The following CHD7 variants were observed in gnomAD, a reference collection of about 807,000 sequenced individuals.
CHD7 encodes ATP-dependent chromatin remodeler CHD7.
In CHD7, 24 loss-of-function variants were observed where a neutral mutation model predicts 307.3. The ratio of observed to expected loss-of-function variants is 0.08; its 90% CI spans 0.06 to 0.11. The LOEUF (loss-of-function observed/expected upper bound fraction) is 0.11. Among genes scored for constraint, CHD7 ranks in the 10% least tolerant of loss-of-function variants. The probability of loss-of-function intolerance (pLI) is 1.00; values close to 1 mark genes in which losing one functional copy is unlikely to be tolerated. For missense variants in CHD7, 3,106 were observed against 3,727.1 expected, an observed-to-expected ratio of 0.83 and a Z score of 4.34; for synonymous variants, 1,363 against 1,349.9, an observed-to-expected ratio of 1.01 and a Z score of -0.21.
chr8:60,852,807 T>C (rs1027219983), intron 30 of CHD7, 22 bp from the exon 31 acceptor site: 2 of 1,609,584 alleles, frequency 1.2e-6, no homozygotes, highest in Non-Finnish European at 1.7e-6. Context: ...CCCAAGTAAA[T>C]ATGAGCCCTT....
At chr8:60,756,520 A>G (rs748484452) in intron 2 of CHD7, among the ~76,000 whole-genome samples, 1 of 152,208 alleles carries the variant, frequency 6.6e-6, no homozygotes, top group Non-Finnish European at 1.5e-5. Context: ...TGCTTCATAT[A>G]AAATATTTAA....
chr8:60,795,395 G>A (rs1210585668), intron 4 of CHD7, among the ~76,000 whole-genome samples: 2 of 152,088 alleles, frequency 1.3e-5, no homozygotes, highest in Non-Finnish European at 1.5e-5. Flanking sequence ...TTCTGTAAAT[G>A]TATATTTTGC....
intron 1 of CHD7, among the ~76,000 whole-genome samples, chr8:60,715,389 C>T (rs978106609): frequency 6.9e-6 from 1 of 145,678 alleles, no homozygotes; most frequent in Non-Finnish European, 1.5e-5. Context: ...AGTGGCCGAT[C>T]TCACCTCACT....
At chr8:60,812,845 G>A (rs1812878132) in intron 7 of CHD7, among the ~76,000 whole-genome samples, 1 of 151,818 alleles carries the variant, frequency 6.6e-6, no homozygotes. Flanking sequence ...AGGCTTTATA[G>A]TGTATTTTAA....
chr8:60,826,542 G>A (rs1399130928), intron 13 of CHD7, among the ~76,000 whole-genome samples: 5 of 152,230 alleles, frequency 3.3e-5, no homozygotes, highest in African/African-American at 1.2e-4. Context: ...AGGCCATAGG[G>A]AACTGCTGTT....
rs1806161071 is a variant in CHD7 at position 60,690,899 on chromosome 8, G to A, written c.-175+11817G>A. Among the ~76,000 whole-genome samples, 2 of 152,146 alleles carry A rather than the reference G, an allele frequency of 1.3e-5. 1 individual carries two copies. Among genetic ancestry groups the A allele is most frequent in the South Asian group, 4.1e-4 (2 of 4,824 alleles). On this transcript the variant is annotated intron_variant, in intron 1 of 37. Transcript: ENST00000423902. ...TCTGCAGCTCAGTATTTTCAGGTCA[G>A]GGAGCTGCCCATGTCATTTGCATCT...
intron 2 of CHD7, among the ~76,000 whole-genome samples, chr8:60,756,099 A>T (rs1254573738): frequency 1.3e-5 from 2 of 152,376 alleles, no homozygotes; most frequent in East Asian, 3.8e-4. Context: ...GAGGCTAGTG[A>T]CTTTCATATA....
chr8:60,822,290 TAATA>T lies in CHD7; in HGVS notation c.2957+150_2957+153del, dbSNP rs561126407. The T allele has an allele frequency of 4.7e-4, 337 of 710,538 alleles. 3 individuals are homozygous for T. The African/African-American group carries it at 5.4e-3, about 11-fold the overall frequency. 44.0% of individuals were successfully genotyped at this position (710,538 alleles called of 1,614,324 possible). On this transcript the variant is annotated intron_variant, in intron 11 of 37. Transcript: ENST00000423902. ...AAGCATTGAAAATATATGTAATATT[TAATA>T]AATATTAATACAGAGATTGATATAA... is the stretch of plus-strand genomic sequence containing the variant.
intron 34 of CHD7, 80 bp from the exon 35 acceptor site, chr8:60,860,824 G>A (rs207469255): frequency 1.0e-6 from 1 of 995,856 alleles, no homozygotes; most frequent in Non-Finnish European, 1.5e-6. Flanking sequence ...TCCATTCTAG[G>A]ATAGCGTTTT....
intron 1 of CHD7, among the ~76,000 whole-genome samples, chr8:60,700,136 C>T (rs1202598732): frequency 6.6e-6 from 1 of 152,146 alleles, no homozygotes; most frequent in Non-Finnish European, 1.5e-5. Context: ...CCGTGCCTGG[C>T]AACTTGAGAT....
intron 3 of CHD7, among the ~76,000 whole-genome samples, chr8:60,785,449 G>A (rs932786679): frequency 2.6e-5 from 4 of 152,040 alleles, no homozygotes; most frequent in African/African-American, 9.7e-5. Context: ...TATATAGTAC[G>A]AGAAACATGT....
chr8:60,819,837 T>C (rs1803942243), intron 8 of CHD7, among the ~76,000 whole-genome samples, 170 bp from the exon 9 acceptor site: 1 of 152,226 alleles, frequency 6.6e-6, no homozygotes, highest in African/African-American at 2.4e-5. Context: ...GATTTCCTCA[T>C]GGGGAGTGAT....
chr8:60,837,441 T>C (rs1398153930), intron 17 of CHD7, among the ~76,000 whole-genome samples: 3 of 152,184 alleles, frequency 2.0e-5, no homozygotes, highest in Admixed American at 1.3e-4. Context: ...TGGACAGTTA[T>C]CATCTTGCTG....
In CHD7 at chr8:60,782,665, T is replaced by G. The variant is rs144470725; in HGVS notation, c.2096+1235T>G. On this transcript the variant is annotated intron_variant, in intron 3 of 37. Transcript: ENST00000423902. ...TTCTTTGATGCCTCAGTGTGTGGTCTCCTAATTGAAAACCATCACTTTTCT... is the reference window on the plus strand; with the variant it reads ...TTCTTTGATGCCTCAGTGTGTGGTCGCCTAATTGAAAACCATCACTTTTCT... Among the ~76,000 whole-genome samples, 871 of 152,314 alleles carry G rather than the reference T, an allele frequency of 5.7e-3. 11 individuals are homozygous for G. The highest frequency in any genetic ancestry group is 0.012 in the Admixed American group (179 of 15,302).
chr8:60,714,406 G>GCCCCCCCCCCCC lies in CHD7; in HGVS notation c.-174-26843_-174-26832dup, dbSNP rs71245516. Among the ~76,000 whole-genome samples the GCCCCCCCCCCCC allele has an allele frequency of 2.9e-3, 51 of 17,626 alleles. 18 individuals are homozygous for GCCCCCCCCCCCC. Among genetic ancestry groups the GCCCCCCCCCCCC allele is most frequent in the African/African-American group, 3.8e-3 (20 of 5,314 alleles). The allele number at this position is 17,626 out of a possible 152,430, so 11.6% of individuals were successfully genotyped here. ...CTGACAACATGGCGGCCGGGAGAAG[G>GCCCCCCCCCCCC]CCCCCCCCCCCCCCCCCCCCCGCCC... On this transcript the variant is annotated intron_variant, in intron 1 of 37. Transcript: ENST00000423902.
chr8:60,816,109 GTCTGTCTCTCTC>G (rs1437791571), intron 7 of CHD7, among the ~76,000 whole-genome samples: 4 of 67,026 alleles, frequency 6.0e-5, no homozygotes, highest in African/African-American at 2.3e-4. Context: ...CTGTCTGTCT[GTCTGTCTCTCTC>G]TCTCTCTCTC....
At chr8:60,827,266 G>A (rs1804296879) in intron 13 of CHD7, among the ~76,000 whole-genome samples, 2 of 151,476 alleles carry the variant, frequency 1.3e-5, no homozygotes, top group Non-Finnish European at 2.9e-5. Flanking sequence ...AAAAAAGAAA[G>A]GAGTTCTTTC....
At chr8:60,745,709 G>A (rs1349495767) in intron 2 of CHD7, among the ~76,000 whole-genome samples, 1 of 152,162 alleles carries the variant, frequency 6.6e-6, no homozygotes, top group African/African-American at 2.4e-5. Flanking sequence ...GGCTAGGGAG[G>A]TGTGAAGTCT....
At chr8:60,786,235 C>A (rs147304747) in intron 3 of CHD7, among the ~76,000 whole-genome samples, 4 of 152,208 alleles carry the variant, frequency 2.6e-5, no homozygotes, top group African/African-American at 9.7e-5. Context: ...CCATTGTGGC[C>A]CTTCCTCTAT....
Sources: gnomAD v4.1 joint callset for allele counts (sites outside exome capture counted in the v4.1 genomes callset) on GRCh38, gnomAD v4.1.1 for gene constraint, MANE v1.5 for transcripts, NCBI Gene and HGNC (gene_info 2026-07-23, HGNC 2026-07-21) for gene names.